Variants in TNFRSF11A observed in about 807,000 individuals in gnomAD.
TNFRSF11A encodes the protein tumor necrosis factor receptor superfamily member 11A.
Under a neutral mutation model 55.7 loss-of-function variants are expected in TNFRSF11A, and 32 were observed. That is an observed-to-expected ratio of 0.57 (90% CI 0.43 to 0.77). The LOEUF (loss-of-function observed/expected upper bound fraction) is 0.77. Ranked by LOEUF, TNFRSF11A falls within the 30% of genes least tolerant of loss-of-function variation. The pLI, the probability that TNFRSF11A is intolerant of heterozygous loss-of-function variation, is 0.00. For synonymous variants in TNFRSF11A, 311 were observed against 331.0 expected, an observed-to-expected ratio of 0.94 and a Z score of 0.65; for missense variants, 753 against 809.8, an observed-to-expected ratio of 0.93 and a Z score of 0.85.
rs1412818077 is a variant in TNFRSF11A at position 62,383,809 on chromosome 18, CT to C, written c.1568-933del. Among the ~76,000 whole-genome samples the C allele has an allele frequency of 2.0e-5, 3 of 151,424 alleles. No individual in the cohort carries two copies. The highest frequency in any genetic ancestry group is 4.9e-5 in the African/African-American group (2 of 41,182). On this transcript the variant is annotated intron_variant, in intron 9 of 9. Coordinates refer to ENST00000586569, the MANE Select transcript of TNFRSF11A (RefSeq NM_003839.4). This position sits in a 1 kb window ranked among gnomAD's most constrained non-coding sequence, Gnocchi z 4.2. ...CAGAAGGGAAAAGTGATTTATAGGA[CT>C]TTTTTTTTCTATTTTAGTTTTGTGA...
intron 3 of TNFRSF11A, among the ~76,000 whole-genome samples, chr18:62,351,250 G>A (rs928671924): frequency 4.0e-4 from 61 of 152,072 alleles, no homozygotes; most frequent in African/African-American, 1.4e-3. Flanking sequence ...TGATGCACCC[G>A]CCTCAGCCTC....
At chr18:62,338,860 GCATT>G (rs2046272140) in intron 1 of TNFRSF11A, among the ~76,000 whole-genome samples, 1 of 152,012 alleles carries the variant, frequency 6.6e-6, no homozygotes, top group South Asian at 2.1e-4. Context: ...TTTTAAAAAG[GCATT>G]CAAAGGACAG....
rs140497279 is a variant in TNFRSF11A at position 62,327,141 on chromosome 18, A to G, written c.75+1714A>G. Reference sequence around the variant, plus strand: ...TGGTCTCTGACCAGCCCTTCGGAGAATAGGTGAGAGCCTGTGTGGGCTGGT... The same window carrying G: ...TGGTCTCTGACCAGCCCTTCGGAGAGTAGGTGAGAGCCTGTGTGGGCTGGT... On this transcript the variant is annotated intron_variant, in intron 1 of 9. Transcript: ENST00000586569. Among the ~76,000 whole-genome samples, 151 of 152,292 alleles carry G rather than the reference A, an allele frequency of 9.9e-4. 1 individual carries two copies. Among genetic ancestry groups the G allele is most frequent in the African/African-American group, 3.5e-3 (147 of 41,558 alleles).
intron 1 of TNFRSF11A, among the ~76,000 whole-genome samples, chr18:62,345,679 AACGGTAGGTAT>A (rs747312469): frequency 4.1e-4 from 63 of 152,340 alleles, no homozygotes; most frequent in Admixed American, 2.5e-3. Context: ...AAAACCACTG[AACGGTAGGTAT>A]ACTTTAAAAG....
chr18:62,338,510 A>G (rs1352702250), intron 1 of TNFRSF11A, among the ~76,000 whole-genome samples: 2 of 152,380 alleles, frequency 1.3e-5, no homozygotes, highest in East Asian at 1.9e-4. Flanking sequence ...GTTCTGGTAC[A>G]TAATACAATA....
intron 9 of TNFRSF11A, 100 bp from the exon 10 acceptor site, chr18:62,384,651 C>A (rs1911554509): frequency 1.4e-6 from 2 of 1,439,914 alleles, no homozygotes; most frequent in South Asian, 1.2e-5. Context: ...CTGTGGGAAT[C>A]CGGGGAGCCG....
rs868859346 is a variant in TNFRSF11A, at chr18:62,388,439, C to G, written c.*3405C>G. Reference sequence around the variant, plus strand: ...CCAAGGGATGGGGGAGCAGCATATCCCCCCATGGGAAGAGTTGCGGAATGA... The same window carrying G: ...CCAAGGGATGGGGGAGCAGCATATCGCCCCATGGGAAGAGTTGCGGAATGA... On this transcript the variant is annotated 3_prime_UTR_variant, in exon 10 of 10. Coordinates refer to ENST00000586569, the MANE Select transcript of TNFRSF11A (RefSeq NM_003839.4). The G allele has an allele frequency of 3.1e-4, 48 of 152,464 alleles. No homozygotes were observed. The highest frequency in any genetic ancestry group is 1.2e-3 in the African/African-American group (48 of 41,580). The allele number at this position is 152,464 out of a possible 1,614,324, so 9.4% of individuals were successfully genotyped here. A position where few individuals can be genotyped will look rare whatever the true frequency, so the allele number is the denominator to read the frequency against.
chr18:62,330,326 A>G (rs1158019509), intron 1 of TNFRSF11A, among the ~76,000 whole-genome samples: 1 of 152,194 alleles, frequency 6.6e-6, no homozygotes, highest in African/African-American at 2.4e-5. Flanking sequence ...GTGTGGTCAC[A>G]TGTGTCTAAA....
At chr18:62,327,304 A>T (rs1256948655) in intron 1 of TNFRSF11A, among the ~76,000 whole-genome samples, 1 of 152,206 alleles carries the variant, frequency 6.6e-6, no homozygotes, top group East Asian at 1.9e-4. Flanking sequence ...GGCAGAGTTC[A>T]GAGAAACCTC....
At chr18:62,346,787 A>G (rs942113470) in intron 1 of TNFRSF11A, among the ~76,000 whole-genome samples, 2 of 152,152 alleles carry the variant, frequency 1.3e-5, no homozygotes, top group African/African-American at 4.8e-5. Context: ...TATTTTGAGG[A>G]TGCATGGCTT....
chr18:62,348,397 A>C (rs1308845638), intron 2 of TNFRSF11A, 148 bp downstream of exon 2: 1 of 721,746 alleles, frequency 1.4e-6, no homozygotes, highest in Non-Finnish European at 2.4e-6. Context: ...TGAAGACAAA[A>C]ATCTTTCTCT....
intron 8 of TNFRSF11A, among the ~76,000 whole-genome samples, chr18:62,368,379 G>T (rs1355807237): frequency 1.3e-5 from 2 of 152,284 alleles, no homozygotes; most frequent in East Asian, 3.9e-4. Context: ...CAGTTGTTTT[G>T]GGGTTTTGTA....
chr18:62,347,887 G>GAGC (rs879583522), intron 1 of TNFRSF11A, among the ~76,000 whole-genome samples: 10 of 143,638 alleles, frequency 7.0e-5, no homozygotes, highest in Non-Finnish European at 1.2e-4. Flanking sequence ...CTGGGCAATA[G>GAGC]AGCAAGACTC....
intron 1 of TNFRSF11A, among the ~76,000 whole-genome samples, chr18:62,346,315 G>A (rs1403031795): frequency 1.3e-5 from 2 of 152,178 alleles, no homozygotes; most frequent in Admixed American, 1.3e-4. Flanking sequence ...TTGCATGGCC[G>A]CATGTAGTTT....
At chr18:62,335,716 T>TGAA (rs2046223048) in intron 1 of TNFRSF11A, among the ~76,000 whole-genome samples, 1 of 152,160 alleles carries the variant, frequency 6.6e-6, no homozygotes, top group South Asian at 2.1e-4. Flanking sequence ...GCAACCCTCT[T>TGAA]CCCTCAGGGT....
At chr18:62,360,129 T>C (rs1463627989) in intron 6 of TNFRSF11A, 80 bp downstream of exon 6, 2 of 1,097,454 alleles carry the variant, frequency 1.8e-6, no homozygotes, top group Non-Finnish European at 1.4e-6. Context: ...AGATGGCACG[T>C]GGATTTGCGG....
intron 9 of TNFRSF11A, chr18:62,374,181 C>T (rs1910741513): frequency 6.6e-6 from 1 of 152,152 alleles, no homozygotes; most frequent in African/African-American, 2.4e-5. Flanking sequence ...TCAAAATATA[C>T]AAAAAATGTG....
At chr18:62,362,661 G>A (rs774515941) in intron 7 of TNFRSF11A, among the ~76,000 whole-genome samples, 4 of 152,020 alleles carry the variant, frequency 2.6e-5, no homozygotes, top group African/African-American at 4.8e-5. Context: ...TGTTTAACTT[G>A]TAGACTACAA....
chr18:62,360,180 T>C (rs1909573069), intron 6 of TNFRSF11A, 131 bp downstream of exon 6: 1 of 711,440 alleles, frequency 1.4e-6, no homozygotes, highest in Admixed American at 2.0e-5. Context: ...CATGGTCAGC[T>C]GAATATTTCA....
Sources: gnomAD v4.1 joint callset for allele counts (sites outside exome capture counted in the v4.1 genomes callset) on GRCh38, gnomAD v4.1.1 for gene constraint, Gnocchi (gnomAD v3.1) non-coding constraint, MANE v1.5 for transcripts, NCBI Gene and HGNC (gene_info 2026-07-23, HGNC 2026-07-21) for gene names.